MACF1: variants seen among roughly 807,000 people sequenced by gnomAD.
MACF1 encodes the protein microtubule actin crosslinking factor 1.
In MACF1, 193 loss-of-function variants were observed where a neutral mutation model predicts 854.8. The ratio of observed to expected loss-of-function variants is 0.23; its 90% CI spans 0.20 to 0.25. The LOEUF is 0.25. Among genes scored for constraint, MACF1 ranks in the 10% least tolerant of loss-of-function variants. The pLI is 1.00. For synonymous variants in MACF1, 3,185 were observed against 3,226.7 expected, an observed-to-expected ratio of 0.99 and a Z score of 0.44; for missense variants, 7,722 against 8,929.1, an observed-to-expected ratio of 0.86 and a Z score of 5.45.
At position 39,293,517 on chromosome 1, in the gene MACF1, T is replaced by C. The variant is rs1456275269; in HGVS notation, c.2052T>C (p.Ala684=). 3.1e-6 allele frequency: 5 copies of C among 1,613,936 alleles called. No homozygotes were observed. The African/African-American group carries it at 4.0e-5, about 13-fold the overall frequency. The change falls in exon 18 of 101, where the codon GCT becomes GCC. Residue 684 remains alanine, a synonymous_variant. Coordinates refer to ENST00000564288, the MANE Select transcript of MACF1 (RefSeq NM_001394062.1). ...LQSLHKFVSR[A]TAELIWLNEK... ...GCCTGCATAAATTTGTTTCCAGAGC[T>C]ACAGCTGAGTTGATCTGGTTGAATG...
chr1:39,182,150 T>TAAA (rs35203410), intron 2 of MACF1, among the ~76,000 whole-genome samples: 3 of 122,326 alleles, frequency 2.5e-5, no homozygotes, highest in Admixed American at 8.4e-5. Context: ...GACTCCACCT[T>TAAA]AAAAAAAAAA....
rs192497443 is a variant in MACF1, at chr1:39,405,452, A to C, written c.15816+16794A>C. On this transcript the variant is annotated intron_variant, in intron 58 of 100. Transcript: ENST00000564288. ...ATCAAGGTGGGTGATAAGGCATCAT[A>C]GAATCTAGGGAAGTGTGAATCTGGG... is the stretch of plus-strand genomic sequence containing the variant. Among the ~76,000 whole-genome samples the C allele has an allele frequency of 3.6e-3, 543 of 152,394 alleles. 1 individual carries two copies. Among genetic ancestry groups the C allele is most frequent in the Admixed American group, 5.9e-3 (90 of 15,306 alleles).
At chr1:39,275,835 C>T (rs1005402193) in intron 6 of MACF1, among the ~76,000 whole-genome samples, 10 of 152,092 alleles carry the variant, frequency 6.6e-5, no homozygotes, top group Non-Finnish European at 1.3e-4. Context: ...TTCTTTATCT[C>T]TGTTCCTCAC....
At position 39,107,803 on chromosome 1, in the gene MACF1, G is replaced by T. The variant is rs556507947; in HGVS notation, c.220+23365G>T. Reference sequence around the variant, plus strand: ...GGGGTGTTCTAGACCCTTATTGGCTGGTCACCACATTACTTGGATCTCTCT... The same window carrying T: ...GGGGTGTTCTAGACCCTTATTGGCTTGTCACCACATTACTTGGATCTCTCT... On this transcript the variant is annotated intron_variant, in intron 2 of 93. Transcript: ENST00000361689. 3.9e-5 allele frequency among the ~76,000 whole-genome samples: 6 copies of T among 152,264 alleles called. No individual in the cohort carries two copies. In the South Asian group the frequency reaches 1.2e-3, roughly 32 times the overall value.
At chr1:39,110,547 T>G (rs771539745) in intron 2 of MACF1, among the ~76,000 whole-genome samples, 13 of 152,124 alleles carry the variant, frequency 8.5e-5, no homozygotes, top group Non-Finnish European at 1.5e-4. Context: ...CTACACTCAG[T>G]TTTTAAGTTC....
chr1:39,236,600 A>G (rs1208103903), intron 2 of MACF1, among the ~76,000 whole-genome samples: 1 of 152,158 alleles, frequency 6.6e-6, no homozygotes, highest in Non-Finnish European at 1.5e-5. Context: ...ATTGTGTCTT[A>G]TTGTTTATAG....
intron 14 of MACF1, among the ~76,000 whole-genome samples, chr1:39,286,595 TAGCTGGG>T (rs1247675388): frequency 6.6e-6 from 1 of 151,300 alleles, no homozygotes. Flanking sequence ...GCCTCCGGAG[TAGCTGGG>T]AGTACAGGAG....
At chr1:39,297,007 T>A (rs1645933248) in intron 20 of MACF1, among the ~76,000 whole-genome samples, 1 of 151,902 alleles carries the variant, frequency 6.6e-6, no homozygotes, top group Admixed American at 6.6e-5. Context: ...CACTGCAAAC[T>A]CCGCCTCCCA....
Position 39,310,872 on chromosome 1 carries a change from T to C in MACF1, c.3142T>C (p.Leu1048=), listed in dbSNP as rs374390979. ...ETVAKMYISE[L]KNIRLRLEEY... ...TGTGGCCAAGATGTACATTTCAGAGTTGAAGAACATCCGGCTACGCCTGGA... is the reference window on the plus strand; with the variant it reads ...TGTGGCCAAGATGTACATTTCAGAGCTGAAGAACATCCGGCTACGCCTGGA... The change falls in exon 26 of 101, where the codon TTG becomes CTG. Residue 1048 remains leucine, a synonymous_variant. Coordinates refer to ENST00000564288, the MANE Select transcript of MACF1 (RefSeq NM_001394062.1). 1.1e-5 allele frequency: 18 copies of C among 1,613,870 alleles called. No individual in the cohort carries two copies. Among genetic ancestry groups the C allele is most frequent in the Non-Finnish European group, 1.5e-5 (18 of 1,179,926 alleles).
At chr1:39,289,693 C>CTTTTTTCTTTTTTTT (rs1645730832) in intron 15 of MACF1, among the ~76,000 whole-genome samples, 1 of 28,940 alleles carries the variant, frequency 3.5e-5, no homozygotes, top group Non-Finnish European at 6.0e-5. Context: ...GTGGGTTGTC[C>CTTTTTTCTTTTTTTT]TTTTTTTTTT....
chr1:39,439,947 A>G (rs1570088792), intron 72 of MACF1, among the ~76,000 whole-genome samples: 2 of 152,026 alleles, frequency 1.3e-5, no homozygotes, highest in South Asian at 4.1e-4. Flanking sequence ...ATTGAAAAAA[A>G]CCTGCTCATT....
At chr1:39,450,395 T>G (rs1644317682) in intron 84 of MACF1, among the ~76,000 whole-genome samples, 1 of 151,940 alleles carries the variant, frequency 6.6e-6, no homozygotes, top group African/African-American at 2.4e-5. Context: ...GTTGAACTGA[T>G]TCCAGATCAC....
intron 40 of MACF1, among the ~76,000 whole-genome samples, chr1:39,345,573 T>G (rs1221881300): frequency 6.6e-6 from 1 of 152,196 alleles, no homozygotes; most frequent in Non-Finnish European, 1.5e-5. Flanking sequence ...TATGCATCAC[T>G]GCACTCCAGC....
At position 39,331,947 on chromosome 1, in the gene MACF1, G is replaced by A. The variant is rs1646735059; in HGVS notation, c.5359G>A (p.Glu1787Lys). Residue 1787 changes from glutamate to lysine, a missense_variant, in exon 37 of 101, where the codon GAA becomes AAA. Glu to Lys is a moderately conservative substitution (Grantham distance 56, BLOSUM62 1). Coordinates refer to ENST00000564288, the MANE Select transcript of MACF1 (RefSeq NM_001394062.1). ...DPRTGHRLTV[E>K]EAVRHNLIDQ... ...AAGAACAGGACACAGACTTACAGTG[G>A]AAGAGGCTGTAAGACATAATCTGAT... is the stretch of plus-strand genomic sequence containing the variant. The A allele has an allele frequency of 6.2e-7, 1 of 1,614,000 alleles. No individual in the cohort carries two copies. The highest frequency in any genetic ancestry group is 8.5e-7 in the Non-Finnish European group (1 of 1,180,032).
chr1:39,430,598 A>G (rs984812643), intron 65 of MACF1, 104 bp from the exon 66 acceptor site: 2 of 830,526 alleles, frequency 2.4e-6, no homozygotes, highest in African/African-American at 3.4e-5. Context: ...AGGAGGTCAG[A>G]GTCCTGCTGG....
intron 2 of MACF1, among the ~76,000 whole-genome samples, chr1:39,149,686 C>T (rs913450956): frequency 3.3e-5 from 5 of 152,142 alleles, no homozygotes; most frequent in Admixed American, 1.3e-4. Context: ...AAGCACTTGG[C>T]ACTACAGAGC....
chr1:39,468,809 T>A, intron 96 of MACF1, 77 bp downstream of exon 96: 2 of 1,270,544 alleles, frequency 1.6e-6, no homozygotes, highest in Non-Finnish European at 1.1e-6. Context: ...CAGGAAGCAT[T>A]GATGGTGGGG....
At chr1:39,172,855 G>C (rs1482673127) in intron 2 of MACF1, among the ~76,000 whole-genome samples, 2 of 152,250 alleles carry the variant, frequency 1.3e-5, no homozygotes, top group Admixed American at 6.5e-5. Context: ...CAGATTCTGA[G>C]TTAGCCCAGA....
At position 39,285,326 on chromosome 1, in the gene MACF1, A is replaced by T. The variant is rs759743724; in HGVS notation, c.1289A>T (p.Lys430Ile). The change falls in exon 13 of 101, where the codon AAA (lysine) becomes ATA (isoleucine). Residue 430 changes from lysine (K) to isoleucine (I), a missense_variant. Coordinates refer to ENST00000564288, the MANE Select transcript of MACF1 (RefSeq NM_001394062.1). Reference protein sequence around the residue: ...RLELLLQIANKIQNGALNCEE... With the variant: ...RLELLLQIANIIQNGALNCEE... ...GAATTGCTGCTACAGATTGCAAACA[A>T]AATCCAGAATGGTGCTTTGAACTGT... 6.2e-7 allele frequency: 1 copy of T among 1,614,066 alleles called. No homozygotes were observed. The highest frequency in any genetic ancestry group is 8.5e-7 in the Non-Finnish European group (1 of 1,180,044).
Sources: gnomAD v4.1 joint callset for allele counts (sites outside exome capture counted in the v4.1 genomes callset) on GRCh38, gnomAD v4.1.1 for gene constraint, MANE v1.5 for transcripts, NCBI Gene and HGNC (gene_info 2026-07-23, HGNC 2026-07-21) for gene names.